Variants in PCDHGA1 observed in about 807,000 individuals in gnomAD.
The protein encoded by PCDHGA1 is protocadherin gamma subfamily A, 1.
A neutral mutation model predicts 58.0 loss-of-function variants in PCDHGA1; 32 were observed. The observed-to-expected ratio is 0.55, with a 90% confidence interval of 0.42 to 0.74. The LOEUF (loss-of-function observed/expected upper bound fraction) is 0.74, where lower values mean the gene tolerates loss of function less well. PCDHGA1 is among the 30% of genes least tolerant of loss of function. The probability of loss-of-function intolerance (pLI) is 0.00; values close to 1 mark genes in which losing one functional copy is unlikely to be tolerated. For missense variants in PCDHGA1, 1,205 were observed against 1,182.3 expected, an observed-to-expected ratio of 1.02 and a Z score of -0.28; for synonymous variants, 498 against 501.1, an observed-to-expected ratio of 0.99 and a Z score of 0.08.
Position 141,332,183 on chromosome 5 carries a change from C to G in PCDHGA1, c.1499C>G (p.Pro500Arg), listed in dbSNP as rs965654428. The change falls in exon 1 of 4, where the codon CCC (proline) becomes CGC (arginine). Residue 500 changes from proline to arginine, a missense_variant. Transcript: ENST00000517417. The surrounding 1 kb of genome is among the most constrained non-coding windows in gnomAD (Gnocchi z 4.6). ...ATAGAGGACACTATCCAGGGGGCACCCCTATCTGCCTACCTCTCCATCAAC... is the reference window on the plus strand; with the variant it reads ...ATAGAGGACACTATCCAGGGGGCACGCCTATCTGCCTACCTCTCCATCAAC... ...SLIEDTIQGA[P>R]LSAYLSINSD... 4 of 1,614,212 alleles carry G rather than the reference C, an allele frequency of 2.5e-6. No homozygotes were observed. Among genetic ancestry groups the G allele is most frequent in the Non-Finnish European group, 3.4e-6 (4 of 1,180,048 alleles).
At chr5:141,434,240 T>A (rs979144259) in intron 1 of PCDHGA1, among the ~76,000 whole-genome samples, 1 of 152,336 alleles carries the variant, frequency 6.6e-6, no homozygotes, top group East Asian at 1.9e-4. Flanking sequence ...CTGGACTAGA[T>A]GACTTGGGCA....
At position 141,489,436 on chromosome 5, in the gene PCDHGA1, T is replaced by C. The variant is rs1002519; in HGVS notation, c.2422-5371T>C. 0.23 allele frequency: 369,130 copies of C among 1,613,832 alleles called. 44,340 individuals are homozygous for C. The highest frequency in any genetic ancestry group is 0.38 in the Admixed American group (23,024 of 60,000). On this transcript the variant is annotated intron_variant, in intron 1 of 3. Transcript: ENST00000517417. The surrounding 1 kb of genome is among the most constrained non-coding windows in gnomAD (Gnocchi z 4.5). ...AGATCTGTTGAGCCGGCGGCTGCAATTGGGCTCTGAGGAGAATGGGCGCTA... is the reference window on the plus strand; with the variant it reads ...AGATCTGTTGAGCCGGCGGCTGCAACTGGGCTCTGAGGAGAATGGGCGCTA...
chr5:141,400,387 C>T, intron 1 of PCDHGA1: 2 of 1,614,068 alleles, frequency 1.2e-6, no homozygotes, highest in Non-Finnish European at 1.7e-6. Context: ...ATGTGTTGCA[C>T]ATACAGGAAA....
chr5:141,344,015 G>A (rs758846565), intron 1 of PCDHGA1: 1 of 1,514,564 alleles, frequency 6.6e-7, no homozygotes, highest in Admixed American at 2.3e-5. Context: ...TTCAGAGAAA[G>A]CGATTCACCG....
chr5:141,343,234 C>T (rs1298653463), intron 1 of PCDHGA1: 20 of 895,450 alleles, frequency 2.2e-5, no homozygotes, highest in Non-Finnish European at 2.7e-5. Context: ...TATTAAATAA[C>T]AACAAATATC....
rs768231870 is a variant in PCDHGA1 at position 141,331,196 on chromosome 5, A to T, written c.512A>T (p.Gln171Leu). The change falls in exon 1 of 4, where the codon CAA becomes CTA. Residue 171 changes from glutamine (Q) to leucine (L), a missense_variant. Transcript: ENST00000517417. ...GGTATGAACTCACTCCAGAGCTACC[A>T]ACTCAGCTCTAACCCTCATTTCTCC... is the stretch of plus-strand genomic sequence containing the variant. ...DVGMNSLQSY[Q>L]LSSNPHFSLD... is the part of the protein sequence containing the mutation. The T allele has an allele frequency of 1.1e-5, 18 of 1,614,144 alleles. No individual in the cohort carries two copies. Among genetic ancestry groups the T allele is most frequent in the Non-Finnish European group, 1.4e-5 (16 of 1,180,026 alleles).
At chr5:141,502,951 C>G (rs1444086718) in intron 2 of PCDHGA1, among the ~76,000 whole-genome samples, 1 of 147,768 alleles carries the variant, frequency 6.8e-6, no homozygotes, top group African/African-American at 2.6e-5. Context: ...TCAAGCGATT[C>G]TCCTGCCTCA....
chr5:141,346,324 G>A lies in PCDHGA1; in HGVS notation c.2421+13219G>A, dbSNP rs1354515238. The stretch of plus-strand genomic sequence containing the variant: ...GAGGTCTCCCTCACTGCGGACTCGC[G>A]GAAGAGCCACCTGATTTTCCCCCAG... On this transcript the variant is annotated intron_variant, in intron 1 of 3. Transcript: ENST00000517417. The A allele has an allele frequency of 6.8e-6, 11 of 1,614,048 alleles. No individual in the cohort carries two copies. The highest frequency in any genetic ancestry group is 2.2e-5 in the South Asian group (2 of 91,082).
At chr5:141,466,180 A>T (rs566514149) in intron 1 of PCDHGA1, among the ~76,000 whole-genome samples, 100 of 151,254 alleles carry the variant, frequency 6.6e-4, no homozygotes, top group African/African-American at 2.1e-3. Context: ...TTTTATTTTT[A>T]TTTTTTTTCA....
At chr5:141,362,021 C>A (rs1233254898) in intron 1 of PCDHGA1, 1 of 1,607,220 alleles carries the variant, frequency 6.2e-7, no homozygotes, top group Admixed American at 1.7e-5. Flanking sequence ...GTGCGCACAG[C>A]GCGTGCCTTG....
In PCDHGA1 at chr5:141,351,040, G is replaced by A. The variant is rs780012023; in HGVS notation, c.2421+17935G>A. ...TACCGTGGGGAACCTCCGTGCTGCG[G>A]GTGATGGCCACAGACCAGGATGAGG... On this transcript the variant is annotated intron_variant, in intron 1 of 3. Transcript: ENST00000517417. 16 of 1,613,958 alleles carry A rather than the reference G, an allele frequency of 9.9e-6. No homozygotes were observed. The Middle Eastern group carries it at 4.9e-4, about 50-fold the overall frequency.
chr5:141,335,906 G>T (rs568859105), intron 1 of PCDHGA1, among the ~76,000 whole-genome samples: 6 of 152,052 alleles, frequency 3.9e-5, no homozygotes, highest in Admixed American at 1.3e-4. Flanking sequence ...AGAAAAAAAG[G>T]ACTTAAATAT....
rs763849063 is a variant in PCDHGA1 at position 141,331,697 on chromosome 5, T to C, written c.1013T>C (p.Leu338Ser). ...AAAGTTAAGGTACTGATCAAAGTTT[T>C]GGATGTAAATGATAATGCCCCAGAA... Reference protein sequence around the residue: ...MAKVKVLIKVLDVNDNAPEVT... With the variant: ...MAKVKVLIKVSDVNDNAPEVT... Residue 338 changes from leucine (L) to serine (S), a missense_variant, in exon 1 of 4, where the codon TTG becomes TCG. Leu to Ser is a moderately radical substitution (Grantham distance 145, BLOSUM62 -2). Transcript: ENST00000517417. 2 of 1,614,048 alleles carry C rather than the reference T, an allele frequency of 1.2e-6. No homozygotes were observed. The highest frequency in any genetic ancestry group is 1.7e-6 in the Non-Finnish European group (2 of 1,180,018).
rs1257565821 is a variant in PCDHGA1, at chr5:141,487,319, C to G, written c.2422-7488C>G. ...ATTCGTGGCACTACTCTCTAAGTGTCTTCGTGGGGCAGCCTGTGGAGTCAC... is the reference window on the plus strand; with the variant it reads ...ATTCGTGGCACTACTCTCTAAGTGTGTTCGTGGGGCAGCCTGTGGAGTCAC... On this transcript the variant is annotated intron_variant, in intron 1 of 3. Transcript: ENST00000517417. The surrounding 1 kb of genome is among the most constrained non-coding windows in gnomAD (Gnocchi z 5.0). The G allele has an allele frequency of 6.2e-7, 1 of 1,614,052 alleles. No homozygotes were observed. The highest frequency in any genetic ancestry group is 1.3e-5 in the African/African-American group (1 of 74,930).
At chr5:141,389,338 T>C in intron 1 of PCDHGA1, 1 of 1,613,982 alleles carries the variant, frequency 6.2e-7, no homozygotes, top group South Asian at 1.1e-5. Flanking sequence ...AACGGCCAAG[T>C]CTCTTACTGC....
chr5:141,393,272 A>G, intron 1 of PCDHGA1: 1 of 1,613,892 alleles, frequency 6.2e-7, no homozygotes, highest in Non-Finnish European at 8.5e-7. Context: ...CACGTTATCC[A>G]CTCCCAGAAG....
At chr5:141,394,800 G>A in intron 1 of PCDHGA1, 1 of 1,613,850 alleles carries the variant, frequency 6.2e-7, no homozygotes, top group East Asian at 2.2e-5. Context: ...GCTCACCGTA[G>A]CCGTGGCTGA....
intron 1 of PCDHGA1, chr5:141,345,570 G>T: frequency 6.2e-7 from 1 of 1,614,152 alleles, no homozygotes; most frequent in South Asian, 1.1e-5. Context: ...CAACACTGGC[G>T]TCCTATACGC....
Position 141,477,304 on chromosome 5 carries a change from T to C in PCDHGA1, c.2422-17503T>C. The C allele has an allele frequency of 6.2e-7, 1 of 1,614,160 alleles. No individual in the cohort carries two copies. Among genetic ancestry groups the C allele is most frequent in the Non-Finnish European group, 8.5e-7 (1 of 1,180,030 alleles). ...CCTGCGAAGTTCCACCGGGTCTCCCTTTCAGCCTTACTTCTTCCCTCAAGA... is the reference window on the plus strand; with the variant it reads ...CCTGCGAAGTTCCACCGGGTCTCCCCTTCAGCCTTACTTCTTCCCTCAAGA... On this transcript the variant is annotated intron_variant, in intron 1 of 3. Transcript: ENST00000517417. This position sits in a 1 kb window ranked among gnomAD's most constrained non-coding sequence, Gnocchi z 4.9.
Sources: gnomAD v4.1 joint callset for allele counts (sites outside exome capture counted in the v4.1 genomes callset) on GRCh38, gnomAD v4.1.1 for gene constraint, Gnocchi (gnomAD v3.1) non-coding constraint, MANE v1.5 for transcripts, NCBI Gene and HGNC (gene_info 2026-07-23, HGNC 2026-07-21) for gene names.